FAM81B: variants seen among roughly 807,000 people sequenced by gnomAD.
The protein encoded by FAM81B is family with sequence similarity 81 member B.
A neutral mutation model predicts 58.7 loss-of-function variants in FAM81B; 60 were observed. That is an observed-to-expected ratio of 1.02 (90% CI 0.83 to 1.27). The LOEUF is 1.27. FAM81B is among the 50% of genes most tolerant of loss of function. FAM81B has a pLI of 0.00. For synonymous variants in FAM81B, 189 were observed against 179.6 expected (o/e 1.05, Z -0.42); for missense variants, 491 against 522.0 (o/e 0.94, Z 0.58).
At chr5:95,443,634 CAAAGAA>C (rs1745448066) in intron 7 of FAM81B, among the ~76,000 whole-genome samples, 1 of 147,452 alleles carries the variant, frequency 6.8e-6, no homozygotes, top group Non-Finnish European at 1.5e-5. Flanking sequence ...AAAGCTTATG[CAAAGAA>C]AAAGAGTTAT....
At chr5:95,393,718 C>T (rs1406093919) in intron 2 of FAM81B, among the ~76,000 whole-genome samples, 2 of 152,178 alleles carry the variant, frequency 1.3e-5, no homozygotes, top group Non-Finnish European at 2.9e-5. Context: ...TAACTAATGT[C>T]ATCCTTACAC....
chr5:95,392,719 TAA>T, intron 1 of FAM81B, 73 bp from the exon 2 acceptor site: 1 of 1,261,758 alleles, frequency 7.9e-7, no homozygotes, highest in Non-Finnish European at 1.1e-6. Flanking sequence ...TGCCCTCAAT[TAA>T]AAAAAAATTA....
At chr5:95,417,900 T>G (rs1241239253) in intron 4 of FAM81B, among the ~76,000 whole-genome samples, 1 of 152,232 alleles carries the variant, frequency 6.6e-6, no homozygotes, top group Non-Finnish European at 1.5e-5. Context: ...TTTTCTATCT[T>G]AATTGTATTT....
At chr5:95,437,566 A>G (rs2152768942) in intron 7 of FAM81B, among the ~76,000 whole-genome samples, 1 of 152,002 alleles carries the variant, frequency 6.6e-6, no homozygotes, top group Middle Eastern at 3.4e-3. Flanking sequence ...CGAACTCCTG[A>G]CCTCAGGTGA....
rs181242765 is a variant in FAM81B, at chr5:95,427,776, A to G, written c.657-827A>G. ...AAAGTCCTTCAGTGCTCTTCAACCT[A>G]TCCTTCATGCATATGTGAAAGTATA... On this transcript the variant is annotated intron_variant, in intron 5 of 9. Transcript: ENST00000283357. Among the ~76,000 whole-genome samples the G allele has an allele frequency of 6.6e-5, 10 of 152,290 alleles. No individual in the cohort carries two copies. In the East Asian group the frequency reaches 1.7e-3, roughly 26 times the overall value.
At position 95,391,409 on chromosome 5, in the gene FAM81B, G is replaced by C; in HGVS notation, c.20G>C (p.Gly7Ala). The change falls in exon 1 of 10, where the codon GGT becomes GCT. Residue 7 changes from glycine (G) to alanine (A), a missense_variant. Transcript: ENST00000283357. ...GTTAGGATGCAATTACAATTCCTTG[G>C]TACATTGGCTTCCTCAGAAAAAAGA... Reference protein sequence around the residue: MQLQFLGTLASSEKRKK... With the variant: MQLQFLATLASSEKRKK... 1 of 1,613,342 alleles carries C rather than the reference G, an allele frequency of 6.2e-7. No individual in the cohort carries two copies. Among genetic ancestry groups the C allele is most frequent in the Non-Finnish European group, 8.5e-7 (1 of 1,179,604 alleles).
intron 3 of FAM81B, among the ~76,000 whole-genome samples, chr5:95,412,661 C>T (rs1762434873): frequency 6.6e-6 from 1 of 152,136 alleles, no homozygotes; most frequent in Non-Finnish European, 1.5e-5. Flanking sequence ...GACTTAATTC[C>T]AAATCTGTCA....
Position 95,401,626 on chromosome 5 carries a change from C to T in FAM81B, c.293+5451C>T, listed in dbSNP as rs1358425275. Among the ~76,000 whole-genome samples, 4 of 152,052 alleles carry T rather than the reference C, an allele frequency of 2.6e-5. No homozygotes were observed. The East Asian group carries it at 7.7e-4, about 29-fold the overall frequency. Reference sequence around the variant, plus strand: ...AGGACTCTCTGCACTCAGACCGTAACTAGTCATATATTAGATCTCATAAAA... The same window carrying T: ...AGGACTCTCTGCACTCAGACCGTAATTAGTCATATATTAGATCTCATAAAA... On this transcript the variant is annotated intron_variant, in intron 3 of 9. Transcript: ENST00000283357.
At chr5:95,410,971 C>G (rs1387794025) in intron 3 of FAM81B, among the ~76,000 whole-genome samples, 2 of 152,170 alleles carry the variant, frequency 1.3e-5, no homozygotes, top group African/African-American at 2.4e-5. Flanking sequence ...AAACCCGCAG[C>G]CCCTTCTACT....
rs139557479 is a variant in FAM81B, at chr5:95,428,582, C to T, written c.657-21C>T. 2.9e-4 allele frequency: 473 copies of T among 1,613,286 alleles called. 1 individual carries two copies. The African/African-American group carries it at 5.5e-3, about 19-fold the overall frequency. On this transcript the variant is annotated intron_variant, in intron 5 of 9. Coordinates refer to ENST00000283357, the MANE Select transcript of FAM81B (RefSeq NM_152548.3). ...ATGTTATAAAGGTATTGATCCACAC[C>T]AATTTCCATCTTGCCATTAGATGTG...
intron 3 of FAM81B, among the ~76,000 whole-genome samples, chr5:95,406,841 T>G (rs1762259881): frequency 6.6e-6 from 1 of 152,174 alleles, no homozygotes; most frequent in Non-Finnish European, 1.5e-5. Context: ...ACTGTCTAAC[T>G]CATTTCCTTT....
intron 6 of FAM81B, among the ~76,000 whole-genome samples, chr5:95,430,134 T>C (rs933300430): frequency 6.6e-5 from 10 of 152,138 alleles, no homozygotes; most frequent in African/African-American, 2.4e-4. Context: ...GACATTGGAC[T>C]ATAATTCCTC....
At chr5:95,420,478 T>C in intron 5 of FAM81B, 76 bp downstream of exon 5, 1 of 1,584,272 alleles carries the variant, frequency 6.3e-7, no homozygotes, top group South Asian at 1.1e-5. Flanking sequence ...ACAAGCTCCA[T>C]GCTGTGGAAA....
chr5:95,407,108 C>T (rs1280710048), intron 3 of FAM81B, among the ~76,000 whole-genome samples: 1 of 152,018 alleles, frequency 6.6e-6, no homozygotes, highest in Non-Finnish European at 1.5e-5. Flanking sequence ...CTGTGAGTCC[C>T]ACAGAATCCC....
intron 5 of FAM81B, chr5:95,423,953 A>G (rs1211702046): frequency 8.1e-7 from 1 of 1,239,850 alleles, no homozygotes; most frequent in African/African-American, 1.5e-5. Context: ...TCGGAGAAAG[A>G]CAACATGTCC....
chr5:95,417,593 A>T (rs1762570372), intron 4 of FAM81B, among the ~76,000 whole-genome samples: 1 of 152,164 alleles, frequency 6.6e-6, no homozygotes, highest in Non-Finnish European at 1.5e-5. Flanking sequence ...AATTTTGTTG[A>T]TTTGACGAGC....
chr5:95,421,418 G>T (rs901962433), intron 5 of FAM81B, among the ~76,000 whole-genome samples: 1 of 152,168 alleles, frequency 6.6e-6, no homozygotes, highest in Non-Finnish European at 1.5e-5. Context: ...AAGAACTGAG[G>T]GAAGGATCAC....
At chr5:95,423,105 A>G (rs1238306847) in intron 5 of FAM81B, among the ~76,000 whole-genome samples, 1 of 152,142 alleles carries the variant, frequency 6.6e-6, no homozygotes, top group Non-Finnish European at 1.5e-5. Flanking sequence ...GTCTTTCCAC[A>G]TAGAGGGACC....
intron 5 of FAM81B, among the ~76,000 whole-genome samples, chr5:95,427,373 T>C (rs1762874449): frequency 6.6e-6 from 1 of 152,198 alleles, no homozygotes; most frequent in African/African-American, 2.4e-5. Flanking sequence ...ATTTTGTGCG[T>C]ACCATCCTGC....
Sources: allele counts gnomAD v4.1 joint callset (sites outside exome capture counted in the v4.1 genomes callset), GRCh38; gene constraint gnomAD v4.1.1; transcripts MANE v1.5; gene names NCBI Gene and HGNC (gene_info 2026-07-23, HGNC 2026-07-21).